The following CUBN variants were observed in gnomAD, a reference collection of about 807,000 sequenced individuals.
The protein encoded by CUBN is cubilin, also known as 460 kDa receptor.
In CUBN, 282 loss-of-function variants were observed where a neutral mutation model predicts 405.3. The observed-to-expected ratio is 0.70, with a 90% CI of 0.63 to 0.77. CUBN has a LOEUF of 0.77. Among genes scored for constraint, CUBN ranks in the 30% least tolerant of loss-of-function variants. CUBN has a pLI of 0.00. For missense variants in CUBN, 4,514 were observed against 4,475.2 expected (o/e 1.01, Z -0.25); for synonymous variants, 1,684 against 1,617.0 (o/e 1.04, Z -0.99).
At chr10:16,901,269 T>C in intron 52 of CUBN, 69 bp downstream of exon 52, 1 of 1,608,938 alleles carries the variant, frequency 6.2e-7, no homozygotes, top group East Asian at 2.2e-5. Flanking sequence ...AAGAGCTCCA[T>C]TTTCATGCAG....
chr10:16,861,828 G>C (rs1044937078), intron 59 of CUBN, among the ~76,000 whole-genome samples: 4 of 151,976 alleles, frequency 2.6e-5, no homozygotes, highest in Admixed American at 6.6e-5. Context: ...CTTGCTTCCA[G>C]TGCCCTTTTG....
intron 28 of CUBN, among the ~76,000 whole-genome samples, chr10:17,009,835 T>A (rs1042480955): frequency 6.6e-6 from 1 of 152,198 alleles, no homozygotes; most frequent in African/African-American, 2.4e-5. Flanking sequence ...TACACTTCTG[T>A]CCCTGGGGGA....
At chr10:17,037,241 T>C (rs1834922194) in intron 27 of CUBN, among the ~76,000 whole-genome samples, 1 of 152,242 alleles carries the variant, frequency 6.6e-6, no homozygotes, top group East Asian at 1.9e-4. Context: ...TTATCAATTA[T>C]TTTTGAAGAA....
At chr10:16,903,499 G>T (rs1265076243) in intron 51 of CUBN, among the ~76,000 whole-genome samples, 1 of 151,660 alleles carries the variant, frequency 6.6e-6, no homozygotes, top group Non-Finnish European at 1.5e-5. Context: ...AGTTTACACA[G>T]AAAGATCAAA....
At chr10:17,077,310 A>G (rs566143627) in intron 17 of CUBN, among the ~76,000 whole-genome samples, 157 of 152,328 alleles carry the variant, frequency 1.0e-3, no homozygotes, top group African/African-American at 3.7e-3. Flanking sequence ...CTCATAAAAA[A>G]AAACGAGTTT....
At chr10:16,895,661 T>C (rs2131410216) in intron 54 of CUBN, among the ~76,000 whole-genome samples, 1 of 152,294 alleles carries the variant, frequency 6.6e-6, no homozygotes, top group African/African-American at 2.4e-5. Flanking sequence ...CTTTTTCTGT[T>C]GTAATTTTCT....
chr10:17,027,300 G>A (rs1227600015), intron 27 of CUBN, among the ~76,000 whole-genome samples: 1 of 152,162 alleles, frequency 6.6e-6, no homozygotes, highest in East Asian at 1.9e-4. Context: ...TGGCTGTATT[G>A]TGATGATGGG....
chr10:16,865,914 T>C (rs2131361764), intron 59 of CUBN, among the ~76,000 whole-genome samples: 1 of 152,252 alleles, frequency 6.6e-6, no homozygotes, highest in East Asian at 1.9e-4. Context: ...GGTCCATGGC[T>C]TCATTCTTGA....
chr10:16,979,135 G>A (rs1833188041), intron 31 of CUBN, among the ~76,000 whole-genome samples: 1 of 152,128 alleles, frequency 6.6e-6, no homozygotes, highest in Non-Finnish European at 1.5e-5. Context: ...CAACTTACAA[G>A]GGATGTGAAG....
At chr10:17,093,787 A>G (rs1836315968) in intron 14 of CUBN, among the ~76,000 whole-genome samples, 1 of 152,146 alleles carries the variant, frequency 6.6e-6, no homozygotes, top group African/African-American at 2.4e-5. Context: ...ATTATGATAA[A>G]ACTTAGAGGA....
chr10:16,912,933 A>C (rs546110807), intron 48 of CUBN, among the ~76,000 whole-genome samples: 1 of 152,332 alleles, frequency 6.6e-6, no homozygotes, highest in South Asian at 2.1e-4. Flanking sequence ...GAACGTAGGG[A>C]GAGGAGAACG....
intron 54 of CUBN, among the ~76,000 whole-genome samples, chr10:16,897,809 A>G (rs1457999425): frequency 6.6e-6 from 1 of 151,944 alleles, no homozygotes; most frequent in East Asian, 1.9e-4. Flanking sequence ...ACGGCCACTT[A>G]TTTTTGGCAG....
chr10:16,940,666 G>A (rs1842628357), intron 36 of CUBN, among the ~76,000 whole-genome samples: 1 of 152,124 alleles, frequency 6.6e-6, no homozygotes, highest in Non-Finnish European at 1.5e-5. Flanking sequence ...TATAGATGGT[G>A]GGCAAAGAAG....
At chr10:17,104,183 A>T (rs1019384711) in intron 12 of CUBN, among the ~76,000 whole-genome samples, 1 of 152,244 alleles carries the variant, frequency 6.6e-6, no homozygotes, top group African/African-American at 2.4e-5. Flanking sequence ...GGACATAGTG[A>T]AAATGGCAAA....
intron 17 of CUBN, among the ~76,000 whole-genome samples, chr10:17,076,118 A>G (rs1238248832): frequency 2.0e-5 from 3 of 152,214 alleles, no homozygotes; most frequent in Non-Finnish European, 4.4e-5. Context: ...GCCAAATAGC[A>G]TCACTGCAAG....
intron 28 of CUBN, among the ~76,000 whole-genome samples, chr10:17,014,126 G>A (rs1387816604): frequency 2.6e-5 from 4 of 152,146 alleles, no homozygotes; most frequent in Admixed American, 1.3e-4. Context: ...TACATCATGA[G>A]TAGTCCAGAC....
chr10:17,040,613 G>T (rs1247887420), intron 27 of CUBN, among the ~76,000 whole-genome samples: 1 of 151,868 alleles, frequency 6.6e-6, no homozygotes, highest in Non-Finnish European at 1.5e-5. Context: ...ATACTGAAAT[G>T]AACTTACATT....
chr10:17,012,766 G>C (rs1398092155), intron 28 of CUBN, among the ~76,000 whole-genome samples: 1 of 152,184 alleles, frequency 6.6e-6, no homozygotes, highest in Non-Finnish European at 1.5e-5. Flanking sequence ...AAAACAACTT[G>C]CACATTTGAG....
chr10:16,971,151 A>G (rs1229312430), intron 31 of CUBN, among the ~76,000 whole-genome samples: 1 of 152,210 alleles, frequency 6.6e-6, no homozygotes, highest in African/African-American at 2.4e-5. Context: ...CTGGCAACTG[A>G]ATATTTTTCT....
Sources: allele counts gnomAD v4.1 joint callset (sites outside exome capture counted in the v4.1 genomes callset), GRCh38; gene constraint gnomAD v4.1.1; transcripts MANE v1.5; gene names NCBI Gene and HGNC (gene_info 2026-07-23, HGNC 2026-07-21).